Variants in GALNTL6 observed in about 807,000 individuals in gnomAD.
GALNTL6 encodes polypeptide N-acetylgalactosaminyltransferase like 6.
A neutral mutation model predicts 73.7 loss-of-function variants in GALNTL6; 46 were observed. The ratio of observed to expected loss-of-function variants is 0.62; its 90% CI spans 0.49 to 0.80. GALNTL6 has a LOEUF of 0.80. Among genes scored for constraint, GALNTL6 ranks in the 30% least tolerant of loss-of-function variants. The pLI, the probability that GALNTL6 is intolerant of heterozygous loss-of-function variation, is 0.00. For synonymous variants in GALNTL6, 259 were observed against 263.7 expected, an observed-to-expected ratio of 0.98 and a Z score of 0.17; for missense variants, 604 against 755.0, an observed-to-expected ratio of 0.80 and a Z score of 2.34.
At chr4:173,017,303 G>T (rs930238485) in intron 11 of GALNTL6, among the ~76,000 whole-genome samples, 1 of 152,154 alleles carries the variant, frequency 6.6e-6, no homozygotes, top group East Asian at 1.9e-4. Context: ...AGGTTGAAAA[G>T]AAATCAAGGG....
chr4:171,970,576 G>T (rs1275494841), intron 2 of GALNTL6, among the ~76,000 whole-genome samples: 1 of 152,122 alleles, frequency 6.6e-6, no homozygotes, highest in Non-Finnish European at 1.5e-5. Flanking sequence ...AGGTAAAAAT[G>T]TGTGCTTCTT....
intron 10 of GALNTL6, among the ~76,000 whole-genome samples, chr4:172,971,311 C>T (rs886101138): frequency 1.3e-5 from 2 of 152,148 alleles, no homozygotes; most frequent in African/African-American, 2.4e-5. Context: ...GACTAAGACA[C>T]AAGGCCATCA....
chr4:172,121,409 A>G (rs1382159920), intron 2 of GALNTL6, among the ~76,000 whole-genome samples: 2 of 151,868 alleles, frequency 1.3e-5, no homozygotes, highest in African/African-American at 2.4e-5. Context: ...CCCCAGCTCT[A>G]TTTGTCAGGG....
At chr4:172,323,191 T>G (rs966167783) in intron 4 of GALNTL6, among the ~76,000 whole-genome samples, 2 of 152,072 alleles carry the variant, frequency 1.3e-5, no homozygotes, top group African/African-American at 4.8e-5. Flanking sequence ...AGTGAGCAAA[T>G]AAAGGGATAA....
intron 5 of GALNTL6, among the ~76,000 whole-genome samples, chr4:172,647,992 G>C (rs951725268): frequency 6.6e-6 from 1 of 152,162 alleles, no homozygotes; most frequent in African/African-American, 2.4e-5. Context: ...TGCTGGCTAT[G>C]CGAGGGAGAC....
chr4:171,949,880 T>C (rs1012722160), intron 2 of GALNTL6, among the ~76,000 whole-genome samples: 4 of 152,122 alleles, frequency 2.6e-5, no homozygotes, highest in African/African-American at 7.2e-5. Context: ...GGCAACCTAG[T>C]TGTAAAAAGA....
In GALNTL6 at chr4:172,128,801, C is replaced by T. The variant is rs546601011; in HGVS notation, c.139-100855C>T. On this transcript the variant is annotated intron_variant, in intron 2 of 12. Coordinates refer to ENST00000506823, the MANE Select transcript of GALNTL6 (RefSeq NM_001034845.3). ...GCCAGTCTGGTTGTTTGACTAGTGT[C>T]AATGCAGGGCAGGATGCTTTTAAGA... Among the ~76,000 whole-genome samples, 4 of 152,256 alleles carry T rather than the reference C, an allele frequency of 2.6e-5. No individual in the cohort carries two copies. In the South Asian group the frequency reaches 8.3e-4, roughly 32 times the overall value.
At chr4:172,244,842 T>G (rs1737566635) in intron 3 of GALNTL6, among the ~76,000 whole-genome samples, 1 of 152,216 alleles carries the variant, frequency 6.6e-6, no homozygotes, top group South Asian at 2.1e-4. Flanking sequence ...TTTGGGAGCT[T>G]CTCCCCCAAA....
intron 5 of GALNTL6, among the ~76,000 whole-genome samples, chr4:172,551,873 T>G (rs1281157790): frequency 6.6e-6 from 1 of 152,146 alleles, no homozygotes; most frequent in African/African-American, 2.4e-5. Flanking sequence ...TATGCAAAGA[T>G]AATTTAAGGT....
intron 9 of GALNTL6, among the ~76,000 whole-genome samples, chr4:172,942,670 G>C (rs1748971518): frequency 6.6e-6 from 1 of 152,122 alleles, no homozygotes; most frequent in Non-Finnish European, 1.5e-5. Context: ...CCCCGGATTT[G>C]CTTCTTTTGT....
At chr4:171,943,048 T>C (rs1364318149) in intron 2 of GALNTL6, among the ~76,000 whole-genome samples, 7 of 152,222 alleles carry the variant, frequency 4.6e-5, no homozygotes, top group Admixed American at 4.6e-4. Context: ...ATTTTTTCCA[T>C]AGTTTCTCTC....
intron 7 of GALNTL6, among the ~76,000 whole-genome samples, chr4:172,851,772 A>G (rs1291556354): frequency 6.6e-6 from 1 of 152,184 alleles, no homozygotes; most frequent in Admixed American, 6.5e-5. Flanking sequence ...ATTCACCCAC[A>G]TTGGCATCCA....
intron 2 of GALNTL6, among the ~76,000 whole-genome samples, chr4:171,989,778 A>G (rs987219626): frequency 9.9e-5 from 15 of 152,186 alleles, no homozygotes; most frequent in African/African-American, 3.6e-4. Context: ...TATTGAGAAT[A>G]AGACGGCCTT....
intron 2 of GALNTL6, among the ~76,000 whole-genome samples, chr4:171,818,046 A>G (rs1422848347): frequency 6.6e-6 from 1 of 151,812 alleles, no homozygotes; most frequent in African/African-American, 2.4e-5. Context: ...ATATTAAAAG[A>G]ATCTACTGAT....
chr4:172,054,993 C>G (rs1730981377), intron 2 of GALNTL6, among the ~76,000 whole-genome samples: 1 of 152,070 alleles, frequency 6.6e-6, no homozygotes, highest in Non-Finnish European at 1.5e-5. Context: ...AAGAGACAGC[C>G]AAACCTTAGT....
chr4:172,162,600 A>G (rs1482544245), intron 2 of GALNTL6, among the ~76,000 whole-genome samples: 1 of 152,004 alleles, frequency 6.6e-6, no homozygotes, highest in Non-Finnish European at 1.5e-5. Context: ...GCAGAGAGAG[A>G]GAAAAATGTC....
intron 2 of GALNTL6, among the ~76,000 whole-genome samples, chr4:172,171,182 A>G (rs746283204): frequency 2.6e-5 from 4 of 152,178 alleles, no homozygotes; most frequent in Admixed American, 2.0e-4. Flanking sequence ...GATTTTTCAG[A>G]GTTATAACCT....
chr4:172,316,744 A>C (rs553766973), intron 4 of GALNTL6, among the ~76,000 whole-genome samples: 1 of 152,198 alleles, frequency 6.6e-6, no homozygotes, highest in Non-Finnish European at 1.5e-5. Context: ...TTGCAATTCT[A>C]TTGGTGAGCA....
intron 2 of GALNTL6, among the ~76,000 whole-genome samples, chr4:172,049,779 T>A (rs887874609): frequency 1.3e-5 from 2 of 151,854 alleles, no homozygotes; most frequent in Non-Finnish European, 2.9e-5. Flanking sequence ...AGGTCAGGAG[T>A]TTGAGACCAA....
Sources: gnomAD v4.1 joint callset for allele counts (sites outside exome capture counted in the v4.1 genomes callset) on GRCh38, gnomAD v4.1.1 for gene constraint, MANE v1.5 for transcripts, NCBI Gene and HGNC (gene_info 2026-07-23, HGNC 2026-07-21) for gene names.